The following TDRD6 variants were observed in gnomAD, a reference collection of about 807,000 sequenced individuals.
The protein encoded by TDRD6 is tudor domain-containing protein 6.
A neutral mutation model predicts 157.5 loss-of-function variants in TDRD6; 186 were observed. That is an observed-to-expected ratio of 1.18 (90% CI 1.05 to 1.33). The LOEUF is 1.33. Among genes scored for constraint, TDRD6 ranks in the 40% most tolerant of loss-of-function variants. The pLI, the probability that TDRD6 is intolerant of heterozygous loss-of-function variation, is 0.00. For synonymous variants in TDRD6, 1,075 were observed against 945.2 expected, an observed-to-expected ratio of 1.14 and a Z score of -2.52; for missense variants, 3,066 against 2,508.0, an observed-to-expected ratio of 1.22 and a Z score of -4.75.
At position 46,688,433 on chromosome 6, in the gene TDRD6, G is replaced by A; in HGVS notation, c.305G>A (p.Gly102Asp). The part of the protein sequence containing the change: ...QESRVFLLDE[G>D]RTITAGAGSL... ...AGCCGTGTCTTCCTGCTGGACGAGG[G>A]CCGCACCATCACGGCCGGAGCAGGC... Residue 102 changes from glycine (G) to aspartate (D), a missense_variant, in exon 1 of 4, where the codon GGC becomes GAC. Physicochemically the swap from Gly to Asp is moderately conservative, Grantham distance 94 (BLOSUM62 -1). Coordinates refer to ENST00000316081, the MANE Select transcript of TDRD6 (RefSeq NM_001010870.3). The A allele has an allele frequency of 1.9e-6, 3 of 1,541,924 alleles. No homozygotes were observed. Among genetic ancestry groups the A allele is most frequent in the Non-Finnish European group, 2.6e-6 (3 of 1,146,184 alleles).
chr6:46,694,301 C>T, intron 1 of TDRD6, 127 bp downstream of exon 1: 2 of 627,720 alleles, frequency 3.2e-6, no homozygotes, highest in Non-Finnish European at 5.0e-6. Flanking sequence ...CTCCCAGGCT[C>T]TAGTGATTTT....
In TDRD6 at chr6:46,689,133, T is replaced by G. The variant is rs1342981344; in HGVS notation, c.1005T>G (p.Phe335Leu). Reference protein sequence around the residue: ...HWYRALLLETFRPQRCAQVLH... With the variant: ...HWYRALLLETLRPQRCAQVLH... ...ACAGAGCACTGTTGCTTGAGACTTT[T>G]CGGCCCCAGCGCTGTGCCCAGGTGC... is the stretch of plus-strand genomic sequence containing the variant. Residue 335 changes from phenylalanine (F) to leucine (L), a missense_variant, in exon 1 of 4, where the codon TTT becomes TTG. Physicochemically the swap from Phe to Leu is conservative, Grantham distance 22 (BLOSUM62 0). Transcript: ENST00000316081. 2.5e-6 allele frequency: 4 copies of G among 1,614,032 alleles called. No individual in the cohort carries two copies. The African/African-American group carries it at 4.0e-5, about 16-fold the overall frequency.
At chr6:46,695,536 A>G (rs1764467601) in intron 1 of TDRD6, among the ~76,000 whole-genome samples, 1 of 152,158 alleles carries the variant, frequency 6.6e-6, no homozygotes, top group Non-Finnish European at 1.5e-5. Flanking sequence ...TTGTCTTAAT[A>G]GTACCATATT....
upstream of TDRD6, among the ~76,000 whole-genome samples, chr6:46,684,544 T>C (rs1764042010): frequency 6.6e-6 from 1 of 152,186 alleles, no homozygotes; most frequent in South Asian, 2.1e-4. Flanking sequence ...TGGAAGCCAC[T>C]AATCTTTTCT....
rs1344044309 is a variant in TDRD6, at chr6:46,702,392, G to GAATAAAGTTTATCCTTA, written c.*524_*540dup. ...TTGGAAGTATTCTAATACAAGATTT[G>GAATAAAGTTTATCCTTA]AATAAAGTTTATCCTTAAATAAAGT... On this transcript the variant is annotated 3_prime_UTR_variant, in exon 4 of 4. Coordinates refer to ENST00000316081, the MANE Select transcript of TDRD6 (RefSeq NM_001010870.3). 6.6e-6 allele frequency: 1 copy of GAATAAAGTTTATCCTTA among 151,996 alleles called. No homozygotes were observed. Among genetic ancestry groups the GAATAAAGTTTATCCTTA allele is most frequent in the African/African-American group, 2.4e-5 (1 of 41,400 alleles). 9.4% of individuals were successfully genotyped at this position (151,996 alleles called of 1,614,324 possible).
In TDRD6 at chr6:46,688,171, G is replaced by A; in HGVS notation, c.43G>A (p.Ala15Thr). Residue 15 changes from alanine to threonine, a missense_variant, in exon 1 of 4, where the codon GCC (alanine) becomes ACC (threonine). Coordinates refer to ENST00000316081, the MANE Select transcript of TDRD6 (RefSeq NM_001010870.3). ...AATGCCGGCGCCGGGGGCCTCGCTG[G>A]CCCTGCGGGTGTCCTTCGTGGACGT... ...PGMPAPGASL[A>T]LRVSFVDVHP... The A allele has an allele frequency of 1.3e-6, 2 of 1,549,166 alleles. No homozygotes were observed. Among genetic ancestry groups the A allele is most frequent in the Non-Finnish European group, 8.7e-7 (1 of 1,153,886 alleles).
chr6:46,681,028 A>T, the TDRD6 span, among the ~76,000 whole-genome samples: 20 of 152,352 alleles, frequency 1.3e-4, no homozygotes, highest in African/African-American at 3.8e-4. Context: ...CTTGAAAGCA[A>T]GGACCATGTA....
chr6:46,688,882 G>C lies in TDRD6; in HGVS notation c.754G>C (p.Glu252Gln). 1.9e-6 allele frequency: 3 copies of C among 1,607,724 alleles called. No individual in the cohort carries two copies. The highest frequency in any genetic ancestry group is 2.6e-6 in the Non-Finnish European group (3 of 1,175,996). The change falls in exon 1 of 4, where the codon GAG (glutamate) becomes CAG (glutamine). Residue 252 changes from glutamate (E) to glutamine (Q), a missense_variant. By Grantham distance (29) the Glu-to-Gln change is conservative (BLOSUM62 2). Coordinates refer to ENST00000316081, the MANE Select transcript of TDRD6 (RefSeq NM_001010870.3). The part of the protein sequence containing the change: ...FYPQLQLGVT[E>Q]AVVITQVCHP... ...TCCCCAGCTGCAGCTGGGCGTGACG[G>C]AGGCCGTGGTCATAACCCAAGTGTG...
rs766934242 is a variant in TDRD6, at chr6:46,689,693, G to A, written c.1565G>A (p.Gly522Asp). 9.9e-6 allele frequency: 16 copies of A among 1,614,094 alleles called. No individual in the cohort carries two copies. Among genetic ancestry groups the A allele is most frequent in the Non-Finnish European group, 1.2e-5 (14 of 1,180,056 alleles). Reference protein sequence around the residue: ...TFSKLMRRMCGFYSSASKLDG... With the variant: ...TFSKLMRRMCDFYSSASKLDG... Reference sequence around the variant, plus strand: ...AGTAAGCTGATGAGGAGAATGTGTGGTTTCTATTCCTCTGCCAGTAAGCTG... The same window carrying A: ...AGTAAGCTGATGAGGAGAATGTGTGATTTCTATTCCTCTGCCAGTAAGCTG... Residue 522 changes from glycine (G) to aspartate (D), a missense_variant, in exon 1 of 4, where the codon GGT becomes GAT. Physicochemically the swap from Gly to Asp is moderately conservative, Grantham distance 94. Coordinates refer to ENST00000316081, the MANE Select transcript of TDRD6 (RefSeq NM_001010870.3).
chr6:46,690,680 T>C lies in TDRD6; in HGVS notation c.2552T>C (p.Phe851Ser), dbSNP rs965780919. ...TCTGTGGAGCATGTCAATGTAACAT[T>C]TGTAGATTATGGAGACAGAGAAATG... Reference protein sequence around the residue: ...IQSVEHVNVTFVDYGDREMVS... With the variant: ...IQSVEHVNVTSVDYGDREMVS... Residue 851 changes from phenylalanine to serine, a missense_variant, in exon 1 of 4, where the codon TTT becomes TCT. Physicochemically the swap from Phe to Ser is radical, Grantham distance 155. Transcript: ENST00000316081. 6.2e-7 allele frequency: 1 copy of C among 1,614,032 alleles called. No individual in the cohort carries two copies. The highest frequency in any genetic ancestry group is 1.3e-5 in the African/African-American group (1 of 74,922).
chr6:46,693,262 A>G lies in TDRD6; in HGVS notation c.5134A>G (p.Ile1712Val), dbSNP rs1764395542. 27 of 1,613,670 alleles carry G rather than the reference A, an allele frequency of 1.7e-5. No individual in the cohort carries two copies. The highest frequency in any genetic ancestry group is 2.1e-5 in the Non-Finnish European group (25 of 1,179,896). Residue 1712 changes from isoleucine to valine, a missense_variant, in exon 1 of 4, where the codon ATT becomes GTT. Physicochemically the swap from Ile to Val is conservative, Grantham distance 29 (BLOSUM62 3). Transcript: ENST00000316081. Reference protein sequence around the residue: ...GIKSALPYENIDSEIKQTLGS... With the variant: ...GIKSALPYENVDSEIKQTLGS... ...TAAAAGTGCTCTTCCCTATGAAAAT[A>G]TTGACTCAGAGATAAAGCAGACTCT...
In TDRD6 at chr6:46,692,187, G is replaced by T. The variant is rs367678989; in HGVS notation, c.4059G>T (p.Leu1353Phe). 6.2e-6 allele frequency: 10 copies of T among 1,614,118 alleles called. No homozygotes were observed. Among genetic ancestry groups the T allele is most frequent in the Non-Finnish European group, 5.9e-6 (7 of 1,179,994 alleles). The change falls in exon 1 of 4, where the codon TTG (leucine) becomes TTT (phenylalanine). Residue 1353 changes from leucine (L) to phenylalanine (F), a missense_variant. Leu to Phe is a conservative substitution (Grantham distance 22). Coordinates refer to ENST00000316081, the MANE Select transcript of TDRD6 (RefSeq NM_001010870.3). The part of the protein sequence containing the change: ...TRPEYYVGPP[L>F]QRGDMICAVF... Reference sequence around the variant, plus strand: ...CCGAATATTATGTAGGTCCACCTTTGCAAAGAGGAGATATGATATGTGCTG... The same window carrying T: ...CCGAATATTATGTAGGTCCACCTTTTCAAAGAGGAGATATGATATGTGCTG...
chr6:46,701,781 T>C, intron 3 of TDRD6, 77 bp from the exon 4 acceptor site: 1 of 1,455,144 alleles, frequency 6.9e-7, no homozygotes, highest in Non-Finnish European at 9.6e-7. Context: ...ACATTTGTCA[T>C]GGTAACACCC....
Position 46,688,867 on chromosome 6 carries a change from C to A in TDRD6, c.739C>A (p.Gln247Lys), listed in dbSNP as rs1764207306. Residue 247 changes from glutamine to lysine, a missense_variant, in exon 1 of 4, where the codon CAG becomes AAG. Coordinates refer to ENST00000316081, the MANE Select transcript of TDRD6 (RefSeq NM_001010870.3). Reference sequence around the variant, plus strand: ...TCTGGATTACTTCTATCCCCAGCTGCAGCTGGGCGTGACGGAGGCCGTGGT... The same window carrying A: ...TCTGGATTACTTCTATCCCCAGCTGAAGCTGGGCGTGACGGAGGCCGTGGT... ...PGLDYFYPQL[Q>K]LGVTEAVVIT... 1.9e-6 allele frequency: 3 copies of A among 1,609,824 alleles called. No homozygotes were observed. The highest frequency in any genetic ancestry group is 2.5e-6 in the Non-Finnish European group (3 of 1,177,500).
rs74958786 is a variant in TDRD6, at chr6:46,689,684, G to A, written c.1556G>A (p.Arg519Lys). The A allele has an allele frequency of 1.2e-6, 2 of 1,614,226 alleles. No homozygotes were observed. Among genetic ancestry groups the A allele is most frequent in the Non-Finnish European group, 1.7e-6 (2 of 1,180,038 alleles). The change falls in exon 1 of 4, where the codon AGA becomes AAA. Residue 519 changes from arginine (R) to lysine (K), a missense_variant. Physicochemically the swap from Arg to Lys is conservative, Grantham distance 26 (BLOSUM62 2). Coordinates refer to ENST00000316081, the MANE Select transcript of TDRD6 (RefSeq NM_001010870.3). Reference sequence around the variant, plus strand: ...GTCACCTTCAGTAAGCTGATGAGGAGAATGTGTGGTTTCTATTCCTCTGCC... The same window carrying A: ...GTCACCTTCAGTAAGCTGATGAGGAAAATGTGTGGTTTCTATTCCTCTGCC... ...HNVTFSKLMR[R>K]MCGFYSSASK...
In TDRD6 at chr6:46,691,335, T is replaced by G; in HGVS notation, c.3207T>G (p.Asn1069Lys). 1.2e-6 allele frequency: 2 copies of G among 1,614,068 alleles called. No individual in the cohort carries two copies. The highest frequency in any genetic ancestry group is 1.7e-6 in the Non-Finnish European group (2 of 1,179,930). The change falls in exon 1 of 4, where the codon AAT becomes AAG. Residue 1069 changes from asparagine (N) to lysine (K), a missense_variant. Physicochemically the swap from Asn to Lys is moderately conservative, Grantham distance 94. Transcript: ENST00000316081. ...PKKVFFVDFG[N>K]IYVVTSDDLL... The stretch of plus-strand genomic sequence containing the variant: ...AAGTCTTCTTTGTTGATTTTGGGAA[T>G]ATTTATGTAGTAACAAGTGATGATC...
the TDRD6 span, among the ~76,000 whole-genome samples, chr6:46,682,739 A>G: frequency 6.6e-6 from 1 of 151,956 alleles, no homozygotes; most frequent in Non-Finnish European, 1.5e-5. Flanking sequence ...TTACAATAGC[A>G]TAAAAACATT....
At position 46,689,677 on chromosome 6, in the gene TDRD6, A is replaced by G; in HGVS notation, c.1549A>G (p.Met517Val). ...ACACAATGTCACCTTCAGTAAGCTG[A>G]TGAGGAGAATGTGTGGTTTCTATTC... ...RKHNVTFSKL[M>V]RRMCGFYSSA... Residue 517 changes from methionine to valine, a missense_variant, in exon 1 of 4, where the codon ATG (methionine) becomes GTG (valine). Met to Val is a conservative substitution (Grantham distance 21). Coordinates refer to ENST00000316081, the MANE Select transcript of TDRD6 (RefSeq NM_001010870.3). 6.2e-7 allele frequency: 1 copy of G among 1,614,220 alleles called. No individual in the cohort carries two copies. The highest frequency in any genetic ancestry group is 1.3e-5 in the African/African-American group (1 of 75,058).
intron 1 of TDRD6, among the ~76,000 whole-genome samples, chr6:46,694,885 A>G (rs1764453613): frequency 6.6e-6 from 1 of 152,190 alleles, no homozygotes; most frequent in Non-Finnish European, 1.5e-5. Context: ...GGTCTTTTAG[A>G]CTTAACTGTA....
Sources: gnomAD v4.1 joint callset for allele counts (sites outside exome capture counted in the v4.1 genomes callset) on GRCh38, gnomAD v4.1.1 for gene constraint, MANE v1.5 for transcripts, NCBI Gene and HGNC (gene_info 2026-07-23, HGNC 2026-07-21) for gene names.